Variants in TMEM163 observed in about 807,000 individuals in gnomAD.
TMEM163 encodes the protein transmembrane protein 163.
Under a neutral mutation model 29.3 loss-of-function variants are expected in TMEM163, and 17 were observed. The observed-to-expected ratio is 0.58, with a 90% CI of 0.40 to 0.87. The LOEUF is 0.87. TMEM163 is among the 40% of genes least tolerant of loss of function. The pLI is 0.00. For missense variants in TMEM163, 303 were observed against 381.5 expected (o/e 0.79, Z 1.71); for synonymous variants, 157 against 160.6 (o/e 0.98, Z 0.17).
At position 134,696,816 on chromosome 2, in the gene TMEM163, C is replaced by G. The variant is rs76793123; in HGVS notation, c.322+16384G>C. ...CTTTTCTTTTGTTTTGCTCTTGTCA[C>G]TCAGGCTAGAGTGCAGTGGCATGAT... On this transcript the variant is annotated intron_variant, in intron 2 of 7. Transcript: ENST00000281924. Among the ~76,000 whole-genome samples the G allele has an allele frequency of 2.4e-3, 358 of 152,284 alleles. 13 individuals carry two copies. In the East Asian group the frequency reaches 0.067, roughly 28 times the overall value.
intron 4 of TMEM163, among the ~76,000 whole-genome samples, chr2:134,540,258 C>A (rs1393649079): frequency 6.6e-6 from 1 of 152,250 alleles, no homozygotes; most frequent in Non-Finnish European, 1.5e-5. Context: ...GGCCCAGTTA[C>A]TTGTCATGGC....
At position 134,668,620 on chromosome 2, in the gene TMEM163, C is replaced by T. The variant is rs572483309; in HGVS notation, c.322+44580G>A. On this transcript the variant is annotated intron_variant, in intron 2 of 7. Coordinates refer to ENST00000281924, the MANE Select transcript of TMEM163 (RefSeq NM_030923.5). Reference sequence around the variant, plus strand: ...AGGCTGGGTGACAAGAGGGAAACTCCGTCTCAAAAAAAAAAAAAAGAAAAG... The same window carrying T: ...AGGCTGGGTGACAAGAGGGAAACTCTGTCTCAAAAAAAAAAAAAAGAAAAG... 6.0e-5 allele frequency among the ~76,000 whole-genome samples: 9 copies of T among 149,102 alleles called. No homozygotes were observed. In the South Asian group the frequency reaches 6.4e-4, roughly 11 times the overall value.
At chr2:134,702,696 A>T (rs1684729316) in intron 2 of TMEM163, among the ~76,000 whole-genome samples, 1 of 152,086 alleles carries the variant, frequency 6.6e-6, no homozygotes, top group Admixed American at 6.5e-5. Flanking sequence ...TTCAAAAAAG[A>T]TCCACAAAAC....
At chr2:134,649,912 G>C (rs924698797) in intron 2 of TMEM163, among the ~76,000 whole-genome samples, 3 of 151,400 alleles carry the variant, frequency 2.0e-5, no homozygotes, top group Admixed American at 2.0e-4. Flanking sequence ...TGGCTGAAGT[G>C]GGGGTTCTCT....
At chr2:134,515,881 T>C (rs1680046779) in intron 4 of TMEM163, among the ~76,000 whole-genome samples, 2 of 152,204 alleles carry the variant, frequency 1.3e-5, no homozygotes, top group African/African-American at 4.8e-5. Context: ...TTTCTAGAAA[T>C]GTCTTCTCCA....
rs986382190 is a variant in TMEM163 at position 134,460,939 on chromosome 2, G to C, written c.668-2766C>G. Among the ~76,000 whole-genome samples the C allele has an allele frequency of 4.6e-5, 7 of 152,230 alleles. No individual in the cohort carries two copies. The highest frequency in any genetic ancestry group is 4.6e-4 in the Admixed American group (7 of 15,284). Reference sequence around the variant, plus strand: ...CTGACTCATTTCAGCTTCACTTCTTGAGAGTCTGCCTGAGGATGCTGGATC... The same window carrying C: ...CTGACTCATTTCAGCTTCACTTCTTCAGAGTCTGCCTGAGGATGCTGGATC... On this transcript the variant is annotated intron_variant, in intron 6 of 7. Coordinates refer to ENST00000281924, the MANE Select transcript of TMEM163 (RefSeq NM_030923.5). The surrounding 1 kb of genome is among the most constrained non-coding windows in gnomAD (Gnocchi z 4.3).
At chr2:134,639,286 G>C (rs1683176830) in intron 2 of TMEM163, among the ~76,000 whole-genome samples, 1 of 152,214 alleles carries the variant, frequency 6.6e-6, no homozygotes. Flanking sequence ...GAAGGTTTAA[G>C]TGAAGAAGGC....
intron 2 of TMEM163, among the ~76,000 whole-genome samples, chr2:134,665,957 C>T (rs187535796): frequency 3.3e-4 from 50 of 152,222 alleles, no homozygotes; most frequent in African/African-American, 1.1e-3. Context: ...AATGCATATG[C>T]CCCACTCAGA....
At chr2:134,534,931 G>C (rs1680499212) in intron 4 of TMEM163, among the ~76,000 whole-genome samples, 1 of 152,064 alleles carries the variant, frequency 6.6e-6, no homozygotes, top group Non-Finnish European at 1.5e-5. Context: ...AAAGTACCTT[G>C]CTCAAAGTCG....
intron 2 of TMEM163, among the ~76,000 whole-genome samples, chr2:134,656,554 G>A (rs1159597007): frequency 3.3e-5 from 5 of 152,106 alleles, no homozygotes; most frequent in South Asian, 2.1e-4. Flanking sequence ...GTTCCTATTC[G>A]GCCATCTTGG....
rs141760339 is a variant in TMEM163 at position 134,602,577 on chromosome 2, G to A, written c.323-50486C>T. Reference sequence around the variant, plus strand: ...AGCAGGTAGCCTGAATTGCCCTGACGAGCACAGTAAACATCTCTACAGAGG... The same window carrying A: ...AGCAGGTAGCCTGAATTGCCCTGACAAGCACAGTAAACATCTCTACAGAGG... On this transcript the variant is annotated intron_variant, in intron 2 of 7. Transcript: ENST00000281924. Among the ~76,000 whole-genome samples the A allele has an allele frequency of 1.2e-3, 187 of 152,220 alleles. 1 individual carries two copies. The highest frequency in any genetic ancestry group is 4.4e-3 in the African/African-American group (183 of 41,532).
chr2:134,683,715 G>A (rs948695442), intron 2 of TMEM163, among the ~76,000 whole-genome samples: 1 of 152,164 alleles, frequency 6.6e-6, no homozygotes, highest in African/African-American at 2.4e-5. Context: ...TTTAGTAGAC[G>A]CTGGGAGGGA....
intron 4 of TMEM163, among the ~76,000 whole-genome samples, chr2:134,519,710 T>C (rs1680151143): frequency 1.3e-5 from 2 of 150,116 alleles, no homozygotes; most frequent in Middle Eastern, 3.4e-3. Flanking sequence ...AGATTCCGTG[T>C]CAAAAATTTA....
intron 2 of TMEM163, among the ~76,000 whole-genome samples, chr2:134,636,945 A>C (rs1298951447): frequency 2.0e-5 from 3 of 152,004 alleles, no homozygotes. Flanking sequence ...AACCCAACCA[A>C]CCAGCACTTC....
At chr2:134,574,000 T>TG (rs941729911) in intron 2 of TMEM163, among the ~76,000 whole-genome samples, 5 of 152,218 alleles carry the variant, frequency 3.3e-5, no homozygotes, top group African/African-American at 1.2e-4. Flanking sequence ...CCAGAGCCTC[T>TG]GGCTACTGCC....
intron 2 of TMEM163, among the ~76,000 whole-genome samples, chr2:134,710,465 T>C (rs1684901444): frequency 6.6e-6 from 1 of 152,138 alleles, no homozygotes; most frequent in East Asian, 1.9e-4. Context: ...GAACTCCAGC[T>C]GACCCCAGGA....
chr2:134,495,337 G>A (rs564875931), intron 5 of TMEM163, among the ~76,000 whole-genome samples: 38 of 152,316 alleles, frequency 2.5e-4, no homozygotes, highest in Admixed American at 2.2e-3. Flanking sequence ...GCCCTGAGTG[G>A]GAGGGAAGGA....
chr2:134,493,976 T>C (rs1368488151), intron 5 of TMEM163, among the ~76,000 whole-genome samples: 1 of 152,092 alleles, frequency 6.6e-6, no homozygotes, highest in African/African-American at 2.4e-5. Flanking sequence ...TATGAGTACG[T>C]CCTTAGGAGT....
intron 2 of TMEM163, among the ~76,000 whole-genome samples, chr2:134,683,633 A>G (rs1027131907): frequency 2.0e-5 from 3 of 152,198 alleles, no homozygotes; most frequent in African/African-American, 7.2e-5. Context: ...CATGCTGATT[A>G]CTGGGCATGC....
Sources: allele counts gnomAD v4.1 joint callset (sites outside exome capture counted in the v4.1 genomes callset), GRCh38; gene constraint gnomAD v4.1.1; non-coding constraint Gnocchi (gnomAD v3.1); transcripts MANE v1.5; gene names NCBI Gene and HGNC (gene_info 2026-07-23, HGNC 2026-07-21).